The following MMP26 variants were observed in gnomAD, a reference collection of about 807,000 sequenced individuals.
The protein encoded by MMP26 is matrix metalloproteinase-26.
A neutral mutation model predicts 31.0 loss-of-function variants in MMP26; 33 were observed. The observed-to-expected ratio is 1.06, with a 90% CI of 0.81 to 1.42. The LOEUF (loss-of-function observed/expected upper bound fraction) is 1.42. MMP26 is among the 40% of genes most tolerant of loss of function. The probability of loss-of-function intolerance (pLI) is 0.00; values close to 1 mark genes in which losing one functional copy is unlikely to be tolerated. For missense variants in MMP26, 347 were observed against 316.1 expected (o/e 1.10, Z -0.74); for synonymous variants, 122 against 114.9 (o/e 1.06, Z -0.40).
intron 1 of MMP26, among the ~76,000 whole-genome samples, chr11:4,708,540 AT>A (rs1351368513): frequency 6.6e-6 from 1 of 152,172 alleles, no homozygotes; most frequent in Non-Finnish European, 1.5e-5. Flanking sequence ...TAGGTATTTA[AT>A]TTTTTTGAGT....
intron 1 of MMP26, among the ~76,000 whole-genome samples, chr11:4,732,212 G>T (rs995065137): frequency 6.6e-6 from 1 of 152,110 alleles, no homozygotes; most frequent in African/African-American, 2.4e-5. Context: ...GCTGCAGTTT[G>T]TCTGTCAATG....
intron 2 of MMP26, among the ~76,000 whole-genome samples, chr11:4,937,052 T>A (rs923934935): frequency 2.0e-5 from 3 of 152,178 alleles, no homozygotes; most frequent in Non-Finnish European, 4.4e-5. Context: ...TTAAAGGTAT[T>A]TTCTCTTATT....
intron 2 of MMP26, chr11:4,908,595 A>C: frequency 2.3e-6 from 1 of 443,110 alleles, no homozygotes; most frequent in Non-Finnish European, 4.2e-6. Context: ...AATGAATACA[A>C]TTTGGGCAGA....
At chr11:4,859,654 C>T (rs1306802624) in intron 2 of MMP26, 2 of 462,990 alleles carry the variant, frequency 4.3e-6, no homozygotes, top group Non-Finnish European at 9.0e-6. Context: ...AAAGATCATT[C>T]TTCAAATTTG....
intron 2 of MMP26, among the ~76,000 whole-genome samples, chr11:4,768,558 T>C (rs1184911399): frequency 6.6e-6 from 1 of 152,250 alleles, no homozygotes; most frequent in African/African-American, 2.4e-5. Context: ...AAATCTCAAC[T>C]GTGCCTCATG....
chr11:4,930,807 T>C (rs1418367614), intron 2 of MMP26, among the ~76,000 whole-genome samples: 1 of 152,022 alleles, frequency 6.6e-6, no homozygotes, highest in Non-Finnish European at 1.5e-5. Flanking sequence ...CTTTTACTGG[T>C]TAACAAATAT....
intron 1 of MMP26, among the ~76,000 whole-genome samples, chr11:4,708,997 T>C (rs941599180): frequency 9.2e-5 from 14 of 152,234 alleles, no homozygotes; most frequent in Non-Finnish European, 1.5e-4. Context: ...TACTTAGTTT[T>C]ATTTATTTAT....
At chr11:4,803,362 C>CTG (rs931269657) in intron 2 of MMP26, 13 of 1,047,898 alleles carry the variant, frequency 1.2e-5, no homozygotes, top group Non-Finnish European at 1.8e-5. Flanking sequence ...AAGTAATAGC[C>CTG]TGTCAAATGT....
chr11:4,725,839 C>T (rs547572082), intron 1 of MMP26, among the ~76,000 whole-genome samples: 53 of 152,238 alleles, frequency 3.5e-4, no homozygotes, highest in African/African-American at 1.3e-3. Flanking sequence ...TATATAGGGT[C>T]CATACTACTC....
chr11:4,915,502 A>T (rs760165957), intron 2 of MMP26: 2 of 1,614,130 alleles, frequency 1.2e-6, no homozygotes, highest in East Asian at 4.5e-5. Flanking sequence ...GCTCTGTTTT[A>T]ATGATAAAAA....
chr11:4,714,352 A>T (rs934214696), intron 1 of MMP26, among the ~76,000 whole-genome samples: 1 of 152,146 alleles, frequency 6.6e-6, no homozygotes, highest in Admixed American at 6.5e-5. Context: ...GCAGGTTGTT[A>T]ATGTGTCCAT....
chr11:4,711,397 C>G (rs1369789745), intron 1 of MMP26: 1 of 152,192 alleles, frequency 6.6e-6, no homozygotes, highest in Non-Finnish European at 1.5e-5. Flanking sequence ...TATTTGATAG[C>G]TGGATATTGT....
intron 2 of MMP26, among the ~76,000 whole-genome samples, chr11:4,901,752 T>A (rs1239417741): frequency 6.6e-6 from 1 of 152,182 alleles, no homozygotes; most frequent in Admixed American, 6.5e-5. Flanking sequence ...TTTATCTCTA[T>A]CCTTTCCCAC....
At chr11:4,714,442 C>CG (rs1847899657) in intron 1 of MMP26, among the ~76,000 whole-genome samples, 3 of 152,158 alleles carry the variant, frequency 2.0e-5, no homozygotes, top group African/African-American at 7.2e-5. Flanking sequence ...CCACTACCAC[C>CG]GTCACACACA....
At chr11:4,821,362 A>G in intron 2 of MMP26, 4 of 1,567,666 alleles carry the variant, frequency 2.6e-6, no homozygotes, top group Non-Finnish European at 3.5e-6. Context: ...CAAGTGATAA[A>G]CTATGTATTA....
intron 2 of MMP26, among the ~76,000 whole-genome samples, chr11:4,789,584 A>G (rs2133441413): frequency 8.9e-6 from 1 of 112,512 alleles, no homozygotes; most frequent in African/African-American, 3.4e-5. Flanking sequence ...CTCTGTCACC[A>G]GGCTGGATTG....
intron 2 of MMP26, among the ~76,000 whole-genome samples, chr11:4,793,512 A>G (rs1589902279): frequency 6.6e-6 from 1 of 152,168 alleles, no homozygotes; most frequent in African/African-American, 2.4e-5. Context: ...AAGACATTCT[A>G]TGTCTGTGTG....
chr11:4,814,958 A>G (rs1002904443), intron 2 of MMP26, among the ~76,000 whole-genome samples: 2 of 152,330 alleles, frequency 1.3e-5, no homozygotes, highest in East Asian at 1.9e-4. Flanking sequence ...CAACAGAGTC[A>G]GGGTACAGCT....
chr11:4,747,969 A>C (rs1459713511), intron 1 of MMP26, among the ~76,000 whole-genome samples: 1 of 152,066 alleles, frequency 6.6e-6, no homozygotes, highest in Non-Finnish European at 1.5e-5. Flanking sequence ...AAATGGAATT[A>C]ATACCAAAAG....
Sources: gnomAD v4.1 joint callset for allele counts (sites outside exome capture counted in the v4.1 genomes callset) on GRCh38, gnomAD v4.1.1 for gene constraint, MANE v1.5 for transcripts, NCBI Gene and HGNC (gene_info 2026-07-23, HGNC 2026-07-21) for gene names.